The following CHIC1 variants were observed in gnomAD, a reference collection of about 807,000 sequenced individuals.
CHIC1 encodes the protein cysteine-rich hydrophobic domain-containing protein 1.
In CHIC1, 7 loss-of-function variants were observed where a neutral mutation model predicts 18.5. That is an observed-to-expected ratio of 0.38 (90% CI 0.22 to 0.71). The LOEUF is 0.71. Among genes scored for constraint, CHIC1 ranks in the 30% least tolerant of loss-of-function variants. The pLI is 0.49. For missense variants in CHIC1, 159 were observed against 176.9 expected (o/e 0.90, Z 0.57); for synonymous variants, 77 against 73.5 (o/e 1.05, Z -0.25).
intron 3 of CHIC1, among the ~76,000 whole-genome samples, chrX:73,624,434 C>T (rs1179495777): frequency 8.9e-6 from 1 of 111,855 alleles, no homozygotes; most frequent in East Asian, 2.8e-4. Flanking sequence ...TATTACCTGA[C>T]ATTAGCCAGG....
chrX:73,656,006 A>T (rs1456353317), intron 3 of CHIC1, among the ~76,000 whole-genome samples: 1 of 79,088 alleles, frequency 1.3e-5, no homozygotes, highest in African/African-American at 4.8e-5. Context: ...TAGGCATTCT[A>T]ACTGATGTGA....
intron 1 of CHIC1, among the ~76,000 whole-genome samples, chrX:73,571,506 A>G (rs766867130): frequency 9.0e-6 from 1 of 111,683 alleles, no homozygotes; most frequent in African/African-American, 3.2e-5. Flanking sequence ...AAATAATTAC[A>G]ATAGGTTTAA....
chrX:73,660,922 A>G (rs1000743053), intron 3 of CHIC1, among the ~76,000 whole-genome samples: 13 of 112,187 alleles, frequency 1.2e-4, no homozygotes, highest in Non-Finnish European at 1.9e-4. Flanking sequence ...GCTGATTGAA[A>G]TTTATCATTT....
At chrX:73,655,567 GTGTGTGCATATA>G in intron 3 of CHIC1, among the ~76,000 whole-genome samples, 1 of 79,429 alleles carries the variant, frequency 1.3e-5, no homozygotes, top group Admixed American at 1.5e-4. Context: ...TGTATATATA[GTGTGTGCATATA>G]TATACATATA....
At chrX:73,565,987 C>G (rs955877628) in intron 1 of CHIC1, among the ~76,000 whole-genome samples, 5 of 110,791 alleles carry the variant, frequency 4.5e-5, no homozygotes, top group African/African-American at 1.6e-4. Context: ...AACATCCTCT[C>G]CACATTGCCC....
intron 3 of CHIC1, among the ~76,000 whole-genome samples, chrX:73,641,010 A>T (rs1041508430): frequency 9.0e-6 from 1 of 111,730 alleles, no homozygotes; most frequent in African/African-American, 3.3e-5. Flanking sequence ...ACACTGCCTT[A>T]GCCATGTCCC....
intron 2 of CHIC1, among the ~76,000 whole-genome samples, 168 bp downstream of exon 2, chrX:73,577,629 G>A: frequency 9.0e-6 from 1 of 110,851 alleles, no homozygotes. Context: ...ATGGCTACCA[G>A]CCTCTGACCA....
intron 5 of CHIC1, among the ~76,000 whole-genome samples, chrX:73,680,426 G>A (rs372498570): frequency 5.4e-5 from 6 of 110,806 alleles, no homozygotes; most frequent in Admixed American, 2.9e-4. Context: ...AAAAATATCC[G>A]AGTTTTTTAA....
At chrX:73,569,412 G>A (rs758287654) in intron 1 of CHIC1, among the ~76,000 whole-genome samples, 15 of 111,569 alleles carry the variant, frequency 1.3e-4, no homozygotes, top group Non-Finnish European at 2.1e-4. Flanking sequence ...AAATGTGGGC[G>A]TTGAAGACAT....
intron 3 of CHIC1, among the ~76,000 whole-genome samples, chrX:73,673,447 T>A (rs1232561534): frequency 8.9e-6 from 1 of 111,867 alleles, no homozygotes; most frequent in African/African-American, 3.3e-5. Flanking sequence ...ATAGGTCTCC[T>A]TGAAGAGGTC....
chrX:73,653,693 G>A (rs2057928778), intron 3 of CHIC1, among the ~76,000 whole-genome samples: 1 of 112,154 alleles, frequency 8.9e-6, no homozygotes, highest in African/African-American at 3.2e-5. Flanking sequence ...CTATTAGCAT[G>A]GGCTGTCTTT....
At chrX:73,626,879 A>G (rs1361447193) in intron 3 of CHIC1, among the ~76,000 whole-genome samples, 2 of 110,380 alleles carry the variant, frequency 1.8e-5, no homozygotes, top group African/African-American at 3.3e-5. Context: ...GTGTCTGTGC[A>G]TTGAAGAGTT....
Position 73,671,630 on chromosome X carries a change from T to A in CHIC1, c.508-7696T>A, listed in dbSNP as rs142747218. Reference sequence around the variant, plus strand: ...AGAATTTCTGTTTTGTTCTTTTTAATGATATCTTTGTTGGATTTCTCATCT... The same window carrying A: ...AGAATTTCTGTTTTGTTCTTTTTAAAGATATCTTTGTTGGATTTCTCATCT... On this transcript the variant is annotated intron_variant, in intron 3 of 5. Coordinates refer to ENST00000373502, the MANE Select transcript of CHIC1 (RefSeq NM_001039840.4). Among the ~76,000 whole-genome samples, 415 of 111,817 alleles carry A rather than the reference T, an allele frequency of 3.7e-3. 1 individual carries two copies. The highest frequency in any genetic ancestry group is 0.022 in the East Asian group (77 of 3,577).
intron 3 of CHIC1, among the ~76,000 whole-genome samples, chrX:73,613,132 A>G (rs1027591481): frequency 1.8e-5 from 2 of 111,772 alleles, no homozygotes; most frequent in South Asian, 3.7e-4. Flanking sequence ...GTATGTATGT[A>G]TAGTTTTTGT....
chrX:73,566,046 T>C (rs1439856297), intron 1 of CHIC1, among the ~76,000 whole-genome samples: 1 of 111,188 alleles, frequency 9.0e-6, no homozygotes, highest in African/African-American at 3.3e-5. Flanking sequence ...CATTCTGATC[T>C]CCCAGGGTAA....
chrX:73,626,356 C>A (rs1465768827), intron 3 of CHIC1, among the ~76,000 whole-genome samples: 1 of 111,225 alleles, frequency 9.0e-6, no homozygotes, highest in East Asian at 2.8e-4. Context: ...AGTTTGGGGA[C>A]TTTTCTGTTA....
intron 5 of CHIC1, among the ~76,000 whole-genome samples, chrX:73,680,450 A>G (rs988953093): frequency 3.6e-5 from 4 of 111,537 alleles, no homozygotes; most frequent in African/African-American, 1.3e-4. Flanking sequence ...TATGTTTTCA[A>G]ACCTTTTGTA....
chrX:73,645,824 A>C (rs1371680766), intron 3 of CHIC1, among the ~76,000 whole-genome samples: 2 of 111,258 alleles, frequency 1.8e-5, no homozygotes, highest in East Asian at 5.7e-4. Flanking sequence ...TGGTTTGCAA[A>C]TATTTTCTCC....
chrX:73,643,879 T>G, intron 3 of CHIC1, among the ~76,000 whole-genome samples: 1 of 112,574 alleles, frequency 8.9e-6, no homozygotes, highest in African/African-American at 3.2e-5. Context: ...GTCAAAGTCA[T>G]TCTCCGTCCA....
Sources: allele counts gnomAD v4.1 joint callset (sites outside exome capture counted in the v4.1 genomes callset), GRCh38; gene constraint gnomAD v4.1.1; transcripts MANE v1.5; gene names NCBI Gene and HGNC (gene_info 2026-07-23, HGNC 2026-07-21).